Variants in CDH18 observed in about 807,000 individuals in gnomAD.
CDH18 encodes the protein cadherin-18.
In CDH18, 31 loss-of-function variants were observed where a neutral mutation model predicts 67.9. That is an observed-to-expected ratio of 0.46 (90% CI 0.34 to 0.62). The LOEUF (loss-of-function observed/expected upper bound fraction) is 0.62. CDH18 is among the 20% of genes least tolerant of loss of function. The probability of loss-of-function intolerance (pLI) is 0.01; values close to 1 mark genes in which losing one functional copy is unlikely to be tolerated. For missense variants in CDH18, 890 were observed against 975.5 expected, an observed-to-expected ratio of 0.91 and a Z score of 1.17; for synonymous variants, 362 against 347.2, an observed-to-expected ratio of 1.04 and a Z score of -0.48.
chr5:20,260,832 C>T (rs1234253228), intron 1 of CDH18, among the ~76,000 whole-genome samples: 1 of 152,144 alleles, frequency 6.6e-6, no homozygotes, highest in African/African-American at 2.4e-5. Context: ...TGGCTAATAG[C>T]CAGCAGAAGA....
chr5:19,622,132 A>G (rs897824353), intron 5 of CDH18, among the ~76,000 whole-genome samples: 56 of 152,180 alleles, frequency 3.7e-4, no homozygotes, highest in African/African-American at 1.3e-3. Flanking sequence ...TACCTTGGCA[A>G]TGTGATTTCA....
At chr5:19,706,342 A>G (rs1042762374) in intron 5 of CDH18, among the ~76,000 whole-genome samples, 2 of 152,216 alleles carry the variant, frequency 1.3e-5, no homozygotes, top group African/African-American at 4.8e-5. Context: ...AATGCCAGAC[A>G]CTTTCGCAAT....
chr5:20,004,502 C>T (rs993929183), intron 2 of CDH18, among the ~76,000 whole-genome samples: 4 of 152,162 alleles, frequency 2.6e-5, no homozygotes, highest in Non-Finnish European at 5.9e-5. Flanking sequence ...ATTGTCTTCA[C>T]TCATTAATTA....
intron 2 of CDH18, among the ~76,000 whole-genome samples, chr5:19,947,059 TTTAGAA>T (rs1316674334): frequency 6.6e-6 from 1 of 152,034 alleles, no homozygotes; most frequent in African/African-American, 2.4e-5. Context: ...CTTGTAGAAA[TTTAGAA>T]TTAGACGATA....
At chr5:20,157,484 T>A (rs1201664767) in intron 2 of CDH18, among the ~76,000 whole-genome samples, 4 of 152,134 alleles carry the variant, frequency 2.6e-5, no homozygotes, top group Non-Finnish European at 4.4e-5. Flanking sequence ...ATGGGGTACA[T>A]GAGAAATGTT....
intron 9 of CDH18, among the ~76,000 whole-genome samples, chr5:19,524,082 C>T (rs1043709840): frequency 2.0e-5 from 3 of 151,726 alleles, no homozygotes; most frequent in South Asian, 2.1e-4. Context: ...TAGGATAATG[C>T]TTTTGTAACT....
chr5:19,689,630 G>C (rs1761580817), intron 5 of CDH18, among the ~76,000 whole-genome samples: 1 of 151,698 alleles, frequency 6.6e-6, no homozygotes, highest in South Asian at 2.1e-4. Context: ...AAATGAGGAA[G>C]AGAAAGAACT....
intron 1 of CDH18, among the ~76,000 whole-genome samples, chr5:20,538,934 G>A (rs996641838): frequency 1.1e-4 from 12 of 104,590 alleles, no homozygotes; most frequent in Non-Finnish European, 2.1e-4. Flanking sequence ...TGTCGCCCAG[G>A]CTGGAGTGCA....
At chr5:20,129,196 T>C (rs1749065249) in intron 2 of CDH18, among the ~76,000 whole-genome samples, 1 of 151,876 alleles carries the variant, frequency 6.6e-6, no homozygotes, top group African/African-American at 2.4e-5. Context: ...GAACTAGCTA[T>C]AGTTTCAAGA....
chr5:20,045,501 C>T (rs542405199), intron 2 of CDH18, among the ~76,000 whole-genome samples: 6 of 151,446 alleles, frequency 4.0e-5, no homozygotes, highest in East Asian at 1.9e-4. Context: ...TGTACTAGTT[C>T]GAGGGATTAT....
intron 2 of CDH18, among the ~76,000 whole-genome samples, chr5:20,069,842 C>A (rs942650431): frequency 6.6e-6 from 1 of 152,162 alleles, no homozygotes; most frequent in African/African-American, 2.4e-5. Context: ...TTATTAATGT[C>A]CCTCAGCAGT....
At chr5:20,506,096 C>CA (rs1386300866) in intron 1 of CDH18, among the ~76,000 whole-genome samples, 2 of 152,208 alleles carry the variant, frequency 1.3e-5, no homozygotes, top group Non-Finnish European at 2.9e-5. Context: ...GTTAGACACA[C>CA]AAAAAAATAA....
intron 11 of CDH18, among the ~76,000 whole-genome samples, chr5:19,499,250 T>C (rs1742836143): frequency 1.3e-5 from 2 of 152,194 alleles, no homozygotes; most frequent in South Asian, 4.1e-4. Flanking sequence ...ATATAAGACA[T>C]TACAGTTACA....
intron 2 of CDH18, among the ~76,000 whole-genome samples, chr5:19,880,114 A>C (rs1421575612): frequency 6.6e-6 from 1 of 151,946 alleles, no homozygotes; most frequent in Non-Finnish European, 1.5e-5. Context: ...AAATGCTCAA[A>C]GAAATCATCA....
chr5:20,007,619 G>A (rs936565277), intron 2 of CDH18, among the ~76,000 whole-genome samples: 2 of 151,536 alleles, frequency 1.3e-5, no homozygotes, highest in African/African-American at 2.4e-5. Context: ...AGAGAGTAGC[G>A]GGAGTTGAAA....
chr5:19,622,581 T>G (rs1418837761), intron 5 of CDH18, among the ~76,000 whole-genome samples: 3 of 152,186 alleles, frequency 2.0e-5, no homozygotes, highest in African/African-American at 7.2e-5. Flanking sequence ...CAGTTTTTGC[T>G]CTGTTCTTGA....
At chr5:20,328,941 C>A (rs1738891466) in intron 1 of CDH18, among the ~76,000 whole-genome samples, 1 of 130,608 alleles carries the variant, frequency 7.7e-6, no homozygotes, top group Non-Finnish European at 1.8e-5. Context: ...TGCACCATTG[C>A]ACTTCAGCTC....
chr5:20,321,726 T>A (rs1003745409), intron 1 of CDH18, among the ~76,000 whole-genome samples: 2 of 152,118 alleles, frequency 1.3e-5, no homozygotes, highest in Non-Finnish European at 1.5e-5. Flanking sequence ...CCTTCAGATA[T>A]GTTATTGACA....
intron 1 of CDH18, among the ~76,000 whole-genome samples, chr5:20,476,926 G>T (rs1752480442): frequency 6.6e-6 from 1 of 152,036 alleles, no homozygotes; most frequent in African/African-American, 2.4e-5. Context: ...CTGTAATGTT[G>T]TAACAGAGAT....
Sources: allele counts gnomAD v4.1 joint callset (sites outside exome capture counted in the v4.1 genomes callset), GRCh38; gene constraint gnomAD v4.1.1; transcripts MANE v1.5; gene names NCBI Gene and HGNC (gene_info 2026-07-23, HGNC 2026-07-21).